The following DENND1A variants were observed in gnomAD, a reference collection of about 807,000 sequenced individuals.
The protein encoded by DENND1A is DENN domain-containing protein 1A.
DENND1A carries 51 observed loss-of-function variants against 113.7 expected under a neutral mutation model. That is an observed-to-expected ratio of 0.45 (90% CI 0.36 to 0.57). DENND1A has a LOEUF of 0.57. DENND1A is among the 20% of genes least tolerant of loss of function. The pLI is 0.00. For missense variants in DENND1A, 1,258 were observed against 1,395.9 expected (o/e 0.90, Z 1.57); for synonymous variants, 565 against 570.8 (o/e 0.99, Z 0.14).
intron 13 of DENND1A, among the ~76,000 whole-genome samples, chr9:123,469,279 C>G (rs899785188): frequency 1.4e-4 from 22 of 152,352 alleles, no homozygotes; most frequent in Admixed American, 5.9e-4. Context: ...ATCGTGAAGC[C>G]AGCTCACTGT....
intron 2 of DENND1A, among the ~76,000 whole-genome samples, chr9:123,818,557 C>CATAT (rs1837937795): frequency 1.5e-5 from 2 of 132,276 alleles, no homozygotes; most frequent in African/African-American, 5.5e-5. Flanking sequence ...CACACACACA[C>CATAT]ACACACACAC....
intron 11 of DENND1A, among the ~76,000 whole-genome samples, chr9:123,598,692 C>G (rs1048804490): frequency 2.2e-4 from 33 of 152,046 alleles, no homozygotes; most frequent in Non-Finnish European, 4.6e-4. Flanking sequence ...CTATCTTTTT[C>G]TTTCTTTTTT....
At chr9:123,899,760 T>A (rs951544726) in intron 1 of DENND1A, among the ~76,000 whole-genome samples, 11 of 152,170 alleles carry the variant, frequency 7.2e-5, no homozygotes, top group African/African-American at 2.7e-4. Context: ...AATGTGAAAC[T>A]TTTCCTATGA....
At chr9:123,817,156 T>A (rs1266411659) in intron 2 of DENND1A, among the ~76,000 whole-genome samples, 1 of 152,114 alleles carries the variant, frequency 6.6e-6, no homozygotes, top group East Asian at 1.9e-4. Flanking sequence ...GCCTAGATGA[T>A]CTCCATGGTC....
intron 18 of DENND1A, among the ~76,000 whole-genome samples, chr9:123,450,176 C>T (rs1011703031): frequency 7.9e-5 from 12 of 152,136 alleles, no homozygotes; most frequent in South Asian, 2.1e-4. Context: ...GTCTCAACAG[C>T]GCCCACTGGG....
intron 8 of DENND1A, among the ~76,000 whole-genome samples, chr9:123,662,415 T>C (rs1196979020): frequency 6.6e-6 from 1 of 152,108 alleles, no homozygotes; most frequent in Non-Finnish European, 1.5e-5. Flanking sequence ...GTACAAAAAT[T>C]AGCCAGGTGT....
Position 123,381,870 on chromosome 9 carries a change from C to A in DENND1A, c.2775G>T (p.Pro925=). 2.1e-6 allele frequency: 3 copies of A among 1,427,332 alleles called. No individual in the cohort carries two copies. The highest frequency in any genetic ancestry group is 6.1e-5 in the Admixed American group (2 of 32,860). The allele number at this position is 1,427,332 out of a possible 1,614,324, so 88.4% of individuals were successfully genotyped here. A position where few individuals can be genotyped will look rare whatever the true frequency, so the allele number is the denominator to read the frequency against. Residue 925 remains proline (P), a synonymous_variant, in exon 24 of 24, where the codon CCG becomes CCT. Transcript: ENST00000394215. The surrounding 1 kb of genome is among the most constrained non-coding windows in gnomAD (Gnocchi z 4.7). ...ACAGCAGGAGGCCGGACGCAAAAGCCGGCCCCAGGGAAGCTGGAGGGGCCC... is the reference window on the plus strand; with the variant it reads ...ACAGCAGGAGGCCGGACGCAAAAGCAGGCCCCAGGGAAGCTGGAGGGGCCC... ...PFGAPPASLG[P]AFASGLLLSS...
Position 123,414,631 on chromosome 9 carries a change from C to T in DENND1A, c.1489-2802G>A, listed in dbSNP as rs530392925. 1,804 of 1,546,332 alleles carry T rather than the reference C, an allele frequency of 1.2e-3. 18 individuals are homozygous for T. Among genetic ancestry groups the T allele is most frequent in the South Asian group, 8.6e-3 (712 of 82,910 alleles). The stretch of plus-strand genomic sequence containing the variant: ...GCTGGTGAGTCTTGCAAGAAAAAAA[C>T]CCACCCAAACCAGGCAAAAACCTAT... On this transcript the variant is annotated intron_variant, in intron 19 of 23. Transcript: ENST00000394215.
chr9:123,925,138 T>C (rs1456869392), intron 1 of DENND1A, among the ~76,000 whole-genome samples: 1 of 152,180 alleles, frequency 6.6e-6, no homozygotes, highest in Non-Finnish European at 1.5e-5. Context: ...GAGGAGTGAA[T>C]CTGTATTATT....
At chr9:123,552,793 C>A (rs1486765926) in intron 13 of DENND1A, among the ~76,000 whole-genome samples, 1 of 152,266 alleles carries the variant, frequency 6.6e-6, no homozygotes, top group African/African-American at 2.4e-5. Context: ...TGCTCACCAG[C>A]TTTCTCTCAC....
At chr9:123,605,561 T>C (rs2060117563) in intron 11 of DENND1A, among the ~76,000 whole-genome samples, 1 of 152,176 alleles carries the variant, frequency 6.6e-6, no homozygotes, top group South Asian at 2.1e-4. Flanking sequence ...AACATGCCAC[T>C]AGCCTCAGAT....
At position 123,637,594 on chromosome 9, in the gene DENND1A, G is replaced by A. The variant is rs1288990830; in HGVS notation, c.619-7118C>T. Among the ~76,000 whole-genome samples, 6 of 152,162 alleles carry A rather than the reference G, an allele frequency of 3.9e-5. No homozygotes were observed. In the East Asian group the frequency reaches 1.2e-3, roughly 29 times the overall value. ...AAAACCTTTAATTATAAAGGGTTCA[G>A]CTATGTTCAAATTGTAGTTACTGTA... is the stretch of plus-strand genomic sequence containing the variant. On this transcript the variant is annotated intron_variant, in intron 9 of 23. Transcript: ENST00000394215.
intron 4 of DENND1A, among the ~76,000 whole-genome samples, chr9:123,761,611 C>A (rs1267924444): frequency 6.6e-6 from 1 of 152,134 alleles, no homozygotes; most frequent in African/African-American, 2.4e-5. Flanking sequence ...CCACAGCTTA[C>A]CAGGAGGTAC....
intron 13 of DENND1A, among the ~76,000 whole-genome samples, chr9:123,468,047 T>A (rs1347115919): frequency 6.6e-6 from 1 of 152,170 alleles, no homozygotes; most frequent in Non-Finnish European, 1.5e-5. Context: ...AACCACCACC[T>A]GTACCCAGGT....
Position 123,621,177 on chromosome 9 carries a change from T to G in DENND1A, c.719+9199A>C, listed in dbSNP as rs559697740. Among the ~76,000 whole-genome samples, 10 of 151,516 alleles carry G rather than the reference T, an allele frequency of 6.6e-5. No homozygotes were observed. The South Asian group carries it at 2.1e-3, about 32-fold the overall frequency. On this transcript the variant is annotated intron_variant, in intron 10 of 23. Coordinates refer to ENST00000394215, the MANE Select transcript of DENND1A (RefSeq NM_001352964.2). The stretch of plus-strand genomic sequence containing the variant: ...AGTTGATGCAAAAAAAAAATTCAGT[T>G]GAAATTCTTTTTTTTTTTTTTTTTC...
At chr9:123,553,397 GCCGCC>G (rs763749301) in intron 13 of DENND1A, among the ~76,000 whole-genome samples, 7 of 140,170 alleles carry the variant, frequency 5.0e-5, no homozygotes, top group African/African-American at 1.6e-4. Flanking sequence ...CTTTTTAAAA[GCCGCC>G]CCCCCCCCGC....
intron 13 of DENND1A, among the ~76,000 whole-genome samples, chr9:123,545,623 C>T (rs1589073883): frequency 6.6e-6 from 1 of 152,184 alleles, no homozygotes; most frequent in South Asian, 2.1e-4. Context: ...CCCGCCACCA[C>T]ACCTGGCTAA....
At chr9:123,728,192 T>C (rs1295702254) in intron 5 of DENND1A, among the ~76,000 whole-genome samples, 3 of 149,814 alleles carry the variant, frequency 2.0e-5, no homozygotes, top group African/African-American at 7.4e-5. Context: ...AAGGTTATCT[T>C]TGCAGCTGGG....
chr9:123,829,007 C>A (rs111817425), intron 2 of DENND1A, among the ~76,000 whole-genome samples: 1 of 152,110 alleles, frequency 6.6e-6, no homozygotes, highest in Non-Finnish European at 1.5e-5. Context: ...GAGAAGGGAA[C>A]GGAGCCAGGC....
Sources: allele counts gnomAD v4.1 joint callset (sites outside exome capture counted in the v4.1 genomes callset), GRCh38; gene constraint gnomAD v4.1.1; non-coding constraint Gnocchi (gnomAD v3.1); transcripts MANE v1.5; gene names NCBI Gene and HGNC (gene_info 2026-07-23, HGNC 2026-07-21).